OR3A2: variants seen among roughly 807,000 people sequenced by gnomAD.
The protein encoded by OR3A2 is olfactory receptor 3A2.
For missense variants in OR3A2, 318 were observed against 392.8 expected (o/e 0.81, Z 1.61); for synonymous variants, 126 against 159.3 (o/e 0.79, Z 1.57).
chr17:3,321,698 G>A (rs1227284463), intron 3 of OR3A2, among the ~76,000 whole-genome samples: 2 of 152,316 alleles, frequency 1.3e-5, no homozygotes, highest in African/African-American at 4.8e-5. Flanking sequence ...ATTGGCATAT[G>A]TTGAACCAGC....
At chr17:3,332,523 C>T (rs962502673) in intron 3 of OR3A2, among the ~76,000 whole-genome samples, 1 of 152,248 alleles carries the variant, frequency 6.6e-6, no homozygotes, top group African/African-American at 2.4e-5. Flanking sequence ...ACCCCTTGCA[C>T]TTCCCAAGTG....
At chr17:3,352,113 C>T (rs567951683) in intron 2 of OR3A2, among the ~76,000 whole-genome samples, 2 of 151,820 alleles carry the variant, frequency 1.3e-5, no homozygotes, top group Admixed American at 1.3e-4. Flanking sequence ...AGATTTTTTT[C>T]CTATAGAGTT....
exon 2 of OR3A2, chr17:3,277,316 G>A (rs2048744626): frequency 6.6e-6 from 1 of 152,236 alleles, no homozygotes; most frequent in Non-Finnish European, 1.5e-5. Context: ...ATTGCACTAG[G>A]CCTATGGTTT....
At chr17:3,367,048 T>C (rs893701083) in intron 2 of OR3A2, among the ~76,000 whole-genome samples, 8 of 152,176 alleles carry the variant, frequency 5.3e-5, no homozygotes, top group Admixed American at 5.2e-4. Context: ...ATTCTTCCAC[T>C]ATCCAGATAA....
intron 2 of OR3A2, among the ~76,000 whole-genome samples, chr17:3,356,139 A>G (rs2049464341): frequency 6.6e-6 from 1 of 151,248 alleles, no homozygotes; most frequent in Non-Finnish European, 1.5e-5. Flanking sequence ...CTACACCTAA[A>G]CTTCATCCCC....
chr17:3,298,103 C>CA (rs1252187861), intron 3 of OR3A2, among the ~76,000 whole-genome samples: 3 of 151,902 alleles, frequency 2.0e-5, no homozygotes, highest in Admixed American at 2.0e-4. Flanking sequence ...TAGAACATCT[C>CA]AAAAGAATTT....
intron 3 of OR3A2, among the ~76,000 whole-genome samples, chr17:3,326,004 T>A (rs1055230270): frequency 6.6e-6 from 1 of 152,102 alleles, no homozygotes; most frequent in Non-Finnish European, 1.5e-5. Context: ...TGTGCTCTCA[T>A]AGTTCATCTC....
chr17:3,350,853 T>C (rs915979157), intron 2 of OR3A2, among the ~76,000 whole-genome samples: 7 of 145,696 alleles, frequency 4.8e-5, no homozygotes, highest in Non-Finnish European at 9.1e-5. Context: ...GTGGGCTTCA[T>C]CCCTGGGATG....
At chr17:3,288,246 C>CAAAAAAAAAAAAAAAAAAAGAA (rs2048833087), upstream of OR3A2, among the ~76,000 whole-genome samples, 4 of 73,476 alleles carry the variant, frequency 5.4e-5, no homozygotes, top group Admixed American at 1.4e-4. Flanking sequence ...ACCAAAAGGG[C>CAAAAAAAAAAAAAAAAAAAGAA]AAAAAAAAAA....
At chr17:3,277,328 GGTT>G (rs1266848631) in exon 2 of OR3A2, 1 of 152,100 alleles carries the variant, frequency 6.6e-6, no homozygotes, top group East Asian at 1.9e-4. Flanking sequence ...CTATGGTTTT[GGTT>G]TTTTTAAAAA....
intron 2 of OR3A2, among the ~76,000 whole-genome samples, chr17:3,375,344 C>T (rs1413504293): frequency 4.1e-4 from 60 of 147,808 alleles, no homozygotes; most frequent in Admixed American, 3.4e-4. Context: ...ACTCAGTCAC[C>T]CAGGCCTAAG....
At chr17:3,365,704 G>A (rs1218117974) in intron 2 of OR3A2, among the ~76,000 whole-genome samples, 1 of 152,180 alleles carries the variant, frequency 6.6e-6, no homozygotes, top group Non-Finnish European at 1.5e-5. Flanking sequence ...GTTGCATGGG[G>A]TCCTAGCTGA....
At chr17:3,340,973 GGATA>G (rs1477921592) in intron 2 of OR3A2, among the ~76,000 whole-genome samples, 1 of 152,084 alleles carries the variant, frequency 6.6e-6, no homozygotes, top group African/African-American at 2.4e-5. Flanking sequence ...TATATATTTA[GGATA>G]GTTAGCTCTT....
intron 2 of OR3A2, among the ~76,000 whole-genome samples, chr17:3,350,596 C>G (rs1194233727): frequency 6.7e-6 from 1 of 150,292 alleles, no homozygotes; most frequent in African/African-American, 2.4e-5. Flanking sequence ...CCGAATTCTA[C>G]CAGAGGTACA....
chr17:3,353,015 T>C (rs1429018581), intron 2 of OR3A2, among the ~76,000 whole-genome samples: 1 of 151,776 alleles, frequency 6.6e-6, no homozygotes, highest in East Asian at 1.9e-4. Context: ...GGGGATTACA[T>C]TTTTTATTTC....
At chr17:3,345,892 A>C (rs2049360360) in intron 2 of OR3A2, among the ~76,000 whole-genome samples, 1 of 152,174 alleles carries the variant, frequency 6.6e-6, no homozygotes, top group Non-Finnish European at 1.5e-5. Flanking sequence ...ATCACTGTGA[A>C]ATTTCAGATC....
intron 3 of OR3A2, chr17:3,292,423 C>T (rs1409301712): frequency 6.2e-7 from 1 of 1,613,980 alleles, no homozygotes; most frequent in Admixed American, 1.7e-5. Flanking sequence ...TTGGGCTCCA[C>T]CAAGACAGCT....
intron 2 of OR3A2, among the ~76,000 whole-genome samples, chr17:3,366,718 G>T (rs1030872727): frequency 6.6e-5 from 10 of 152,196 alleles, no homozygotes; most frequent in African/African-American, 2.2e-4. Flanking sequence ...GAGTCTGTGA[G>T]AAAATGTAAT....
At chr17:3,345,407 G>C (rs1482600229) in intron 2 of OR3A2, among the ~76,000 whole-genome samples, 1 of 136,722 alleles carries the variant, frequency 7.3e-6, no homozygotes, top group Non-Finnish European at 1.5e-5. Flanking sequence ...CCAAAAACAA[G>C]AGAAAAAAAG....
Sources: allele counts gnomAD v4.1 joint callset (sites outside exome capture counted in the v4.1 genomes callset), GRCh38; gene constraint gnomAD v4.1.1; transcripts MANE v1.5; gene names NCBI Gene and HGNC (gene_info 2026-07-23, HGNC 2026-07-21).